CNTN6: variants seen among roughly 807,000 people sequenced by gnomAD.
CNTN6 encodes contactin 6, also known as contactin-6.
A neutral mutation model predicts 122.8 loss-of-function variants in CNTN6; 137 were observed. The ratio of observed to expected loss-of-function variants is 1.12; its 90% CI spans 0.97 to 1.29. CNTN6 has a LOEUF of 1.29. Ranked by LOEUF, CNTN6 falls within the 50% of genes most tolerant of loss-of-function variation. The pLI is 0.00. For missense variants in CNTN6, 1,634 were observed against 1,223.4 expected (o/e 1.34, Z -5.01); for synonymous variants, 570 against 426.0 (o/e 1.34, Z -4.16).
At chr3:1,193,717 G>T (rs1217337294) in intron 2 of CNTN6, among the ~76,000 whole-genome samples, 2 of 152,058 alleles carry the variant, frequency 1.3e-5, no homozygotes, top group African/African-American at 4.8e-5. Flanking sequence ...TCCACTACAG[G>T]TAGTGCTCCA....
intron 4 of CNTN6, among the ~76,000 whole-genome samples, chr3:1,228,662 T>C (rs1233508340): frequency 1.3e-5 from 2 of 152,314 alleles, no homozygotes; most frequent in Admixed American, 6.5e-5. Flanking sequence ...TCTGTTGATG[T>C]GGATAAAGTA....
In CNTN6 at chr3:1,311,959, G is replaced by A. The variant is rs79424911; in HGVS notation, c.762-9691G>A. 1.3e-3 allele frequency among the ~76,000 whole-genome samples: 197 copies of A among 152,018 alleles called. 2 individuals carry two copies. Among genetic ancestry groups the A allele is most frequent in the African/African-American group, 4.5e-3 (188 of 41,512 alleles). On this transcript the variant is annotated intron_variant, in intron 7 of 22. Coordinates refer to ENST00000446702, the MANE Select transcript of CNTN6 (RefSeq NM_001289080.2). ...TTTGTTTCCAATTTTTTGTAATCAT[G>A]AATAATAATGTAATGAATATTCTTG... is the stretch of plus-strand genomic sequence containing the variant.
At chr3:1,290,944 C>G (rs984682341) in intron 5 of CNTN6, among the ~76,000 whole-genome samples, 5 of 152,184 alleles carry the variant, frequency 3.3e-5, no homozygotes, top group Non-Finnish European at 7.3e-5. Flanking sequence ...GACCTCCTAT[C>G]TCATCCTGTG....
intron 2 of CNTN6, among the ~76,000 whole-genome samples, chr3:1,158,064 G>A (rs1212707631): frequency 1.3e-5 from 2 of 152,124 alleles, no homozygotes; most frequent in Non-Finnish European, 2.9e-5. Flanking sequence ...CTTAGTTACT[G>A]GATCATATGG....
chr3:1,128,733 T>A (rs1034815254), intron 1 of CNTN6, among the ~76,000 whole-genome samples: 1 of 151,874 alleles, frequency 6.6e-6, no homozygotes, highest in Non-Finnish European at 1.5e-5. Flanking sequence ...TATATTTATT[T>A]ACAGAGCAAC....
Position 1,097,273 on chromosome 3 carries a change from A to G in CNTN6, c.-83+4153A>G, listed in dbSNP as rs551554115. Among the ~76,000 whole-genome samples, 7 of 152,346 alleles carry G rather than the reference A, an allele frequency of 4.6e-5. No individual in the cohort carries two copies. The East Asian group carries it at 1.3e-3, about 29-fold the overall frequency. Reference sequence around the variant, plus strand: ...TGCAATGAGTCCTAAGGTAATTTACAGAAACGTTACATCATAGTAACATGA... The same window carrying G: ...TGCAATGAGTCCTAAGGTAATTTACGGAAACGTTACATCATAGTAACATGA... On this transcript the variant is annotated intron_variant, in intron 1 of 22. Coordinates refer to ENST00000446702, the MANE Select transcript of CNTN6 (RefSeq NM_001289080.2).
chr3:1,266,934 G>T (rs576452946), intron 4 of CNTN6, among the ~76,000 whole-genome samples: 59 of 149,134 alleles, frequency 4.0e-4, no homozygotes, highest in African/African-American at 1.3e-3. Context: ...TGGGAAGCCA[G>T]TGGTCAGCCT....
chr3:1,254,218 C>G (rs1048122007), intron 4 of CNTN6, among the ~76,000 whole-genome samples: 17 of 152,030 alleles, frequency 1.1e-4, no homozygotes, highest in African/African-American at 3.9e-4. Context: ...GAAGTAACCG[C>G]TTTCCTGAAG....
At chr3:1,138,363 T>C (rs989990787) in intron 1 of CNTN6, among the ~76,000 whole-genome samples, 1 of 151,648 alleles carries the variant, frequency 6.6e-6, no homozygotes, top group Non-Finnish European at 1.5e-5. Context: ...TTTTTTTTTT[T>C]CCAAACTTGA....
chr3:1,388,651 GT>G (rs1642241151), intron 20 of CNTN6, among the ~76,000 whole-genome samples: 1 of 145,926 alleles, frequency 6.9e-6, no homozygotes, highest in South Asian at 2.2e-4. Flanking sequence ...AGGCAAAGAA[GT>G]TGAAAACTTT....
chr3:1,332,422 T>C (rs1307622112), intron 11 of CNTN6, among the ~76,000 whole-genome samples: 1 of 151,488 alleles, frequency 6.6e-6, no homozygotes, highest in Non-Finnish European at 1.5e-5. Flanking sequence ...TATAGTCTTA[T>C]CGTGGGACTT....
chr3:1,387,084 A>AT (rs1334903749), intron 20 of CNTN6, among the ~76,000 whole-genome samples: 2 of 151,990 alleles, frequency 1.3e-5, no homozygotes, highest in African/African-American at 2.4e-5. Context: ...AAGGCATTCC[A>AT]TTTTTTTGCT....
intron 4 of CNTN6, among the ~76,000 whole-genome samples, chr3:1,233,605 T>G (rs142260710): frequency 0.1 from 15,252 of 150,616 alleles, 1,479 homozygotes; most frequent in East Asian, 0.48. Context: ...TGTGGTGGTG[T>G]GCACCTGTAA....
At chr3:1,160,359 TATATATATAC>T (rs1483718830) in intron 2 of CNTN6, among the ~76,000 whole-genome samples, 9 of 143,076 alleles carry the variant, frequency 6.3e-5, no homozygotes, top group Admixed American at 1.4e-4. Context: ...TATATATATA[TATATATATAC>T]ACACTACCTA....
At chr3:1,198,417 C>T (rs1158879278) in intron 2 of CNTN6, among the ~76,000 whole-genome samples, 1 of 152,112 alleles carries the variant, frequency 6.6e-6, no homozygotes, top group Non-Finnish European at 1.5e-5. Flanking sequence ...TGTTACCACA[C>T]AAATTGCATT....
intron 20 of CNTN6, among the ~76,000 whole-genome samples, chr3:1,401,032 T>A (rs1405742993): frequency 6.6e-6 from 1 of 152,140 alleles, no homozygotes; most frequent in Non-Finnish European, 1.5e-5. Flanking sequence ...ATTTTAGGAA[T>A]GAACATCTAT....
At chr3:1,305,851 A>G (rs1364260242) in intron 7 of CNTN6, among the ~76,000 whole-genome samples, 2 of 152,096 alleles carry the variant, frequency 1.3e-5, no homozygotes, top group Non-Finnish European at 2.9e-5. Flanking sequence ...CAGCTTGGCT[A>G]TTAATGTCAA....
intron 11 of CNTN6, among the ~76,000 whole-genome samples, chr3:1,349,450 A>T (rs1705276273): frequency 1.3e-5 from 2 of 151,818 alleles, no homozygotes; most frequent in African/African-American, 4.8e-5. Context: ...AGAATATTTT[A>T]ATGTCGTTCA....
chr3:1,388,121 A>T (rs995097917), intron 20 of CNTN6, among the ~76,000 whole-genome samples: 2 of 152,052 alleles, frequency 1.3e-5, no homozygotes, highest in African/African-American at 4.8e-5. Context: ...GCACAGACAA[A>T]CAAAAAGACA....
Sources: allele counts gnomAD v4.1 joint callset (sites outside exome capture counted in the v4.1 genomes callset), GRCh38; gene constraint gnomAD v4.1.1; transcripts MANE v1.5; gene names NCBI Gene and HGNC (gene_info 2026-07-23, HGNC 2026-07-21).